Variants in HDAC9 observed in about 807,000 individuals in gnomAD.
HDAC9 encodes histone deacetylase 9.
A neutral mutation model predicts 139.4 loss-of-function variants in HDAC9; 41 were observed. The ratio of observed to expected loss-of-function variants is 0.29; its 90% CI spans 0.23 to 0.38. The LOEUF is 0.38. Ranked by LOEUF, HDAC9 falls within the 10% of genes least tolerant of loss-of-function variation. The probability of loss-of-function intolerance (pLI) is 1.00; values close to 1 mark genes in which losing one functional copy is unlikely to be tolerated. For missense variants in HDAC9, 1,147 were observed against 1,297.0 expected, an observed-to-expected ratio of 0.88 and a Z score of 1.78; for synonymous variants, 517 against 476.2, an observed-to-expected ratio of 1.09 and a Z score of -1.12.
intron 1 of HDAC9, among the ~76,000 whole-genome samples, chr7:18,293,807 C>T (rs1023487644): frequency 6.6e-6 from 1 of 152,062 alleles, no homozygotes; most frequent in African/African-American, 2.4e-5. Flanking sequence ...CTAGTGCCTT[C>T]ATGTTTACAG....
At chr7:18,321,049 C>CCAA (rs1799991110) in intron 1 of HDAC9, among the ~76,000 whole-genome samples, 1 of 152,160 alleles carries the variant, frequency 6.6e-6, no homozygotes, top group Non-Finnish European at 1.5e-5. Flanking sequence ...TACGTATTTT[C>CCAA]ATAGAACTTG....
intron 16 of HDAC9, among the ~76,000 whole-genome samples, chr7:18,767,632 G>A (rs1789939990): frequency 6.6e-6 from 1 of 152,140 alleles, no homozygotes; most frequent in South Asian, 2.1e-4. Flanking sequence ...ACCCCTTGGG[G>A]ACATTTTTGT....
At chr7:18,683,332 A>G (rs761697210) in intron 12 of HDAC9, among the ~76,000 whole-genome samples, 2 of 152,088 alleles carry the variant, frequency 1.3e-5, no homozygotes, top group Non-Finnish European at 2.9e-5. Context: ...TGGTCAAAAT[A>G]TATATAAAGC....
intron 14 of HDAC9, among the ~76,000 whole-genome samples, chr7:18,761,488 A>C (rs1789385256): frequency 6.6e-6 from 1 of 152,214 alleles, no homozygotes; most frequent in South Asian, 2.1e-4. Context: ...TAAATATTGA[A>C]GAGAGGTAAG....
At chr7:18,884,926 G>A (rs554119022) in intron 22 of HDAC9, among the ~76,000 whole-genome samples, 5 of 152,046 alleles carry the variant, frequency 3.3e-5, no homozygotes, top group African/African-American at 4.8e-5. Flanking sequence ...ACACCTCTTC[G>A]GTTCCAGTTA....
intron 2 of HDAC9, among the ~76,000 whole-genome samples, chr7:18,236,041 C>T (rs563533768): frequency 1.8e-4 from 27 of 152,280 alleles, no homozygotes; most frequent in African/African-American, 6.5e-4. Context: ...ACTCCTTCCA[C>T]CCTCACTGGA....
intron 2 of HDAC9, among the ~76,000 whole-genome samples, chr7:18,580,445 A>C (rs1055686333): frequency 9.3e-5 from 14 of 151,012 alleles, no homozygotes; most frequent in African/African-American, 3.2e-4. Flanking sequence ...TTGGAACATA[A>C]TAATATGAAC....
intron 1 of HDAC9, among the ~76,000 whole-genome samples, chr7:18,417,056 G>A (rs1789139765): frequency 6.6e-6 from 1 of 151,988 alleles, no homozygotes; most frequent in African/African-American, 2.4e-5. Flanking sequence ...CTTGCCTTTG[G>A]TGACTCCAGT....
At chr7:18,292,300 A>C (rs533015946) in intron 1 of HDAC9, among the ~76,000 whole-genome samples, 25 of 152,280 alleles carry the variant, frequency 1.6e-4, no homozygotes, top group African/African-American at 6.0e-4. Flanking sequence ...AGGGACAGCC[A>C]GGATTTTGTT....
chr7:18,922,893 C>T (rs554474042), intron 22 of HDAC9, among the ~76,000 whole-genome samples: 2 of 152,110 alleles, frequency 1.3e-5, no homozygotes, highest in African/African-American at 2.4e-5. Context: ...TAAAAATCGA[C>T]AAATGTCTAG....
chr7:18,847,987 A>G (rs953940912), intron 21 of HDAC9, among the ~76,000 whole-genome samples: 1 of 152,208 alleles, frequency 6.6e-6, no homozygotes, highest in South Asian at 2.1e-4. Flanking sequence ...TTATTTAAGT[A>G]AACTTGACAT....
At chr7:18,746,283 T>TTATA (rs1455947325) in intron 13 of HDAC9, among the ~76,000 whole-genome samples, 1 of 152,238 alleles carries the variant, frequency 6.6e-6, no homozygotes, top group Non-Finnish European at 1.5e-5. Context: ...ACAGTTCTTC[T>TTATA]TATATAGTAG....
intron 21 of HDAC9, among the ~76,000 whole-genome samples, chr7:18,869,677 C>T (rs1798769481): frequency 6.6e-6 from 1 of 152,146 alleles, no homozygotes. Flanking sequence ...AGCAGACATC[C>T]ACTGCTTGGC....
intron 21 of HDAC9, among the ~76,000 whole-genome samples, chr7:18,857,361 G>GTGTGTGTGTGTGTGTGTGTGTGTA (rs1562994705): frequency 6.6e-6 from 1 of 151,460 alleles, no homozygotes; most frequent in African/African-American, 2.4e-5. Context: ...GTGTGTGTGT[G>GTGTGTGTGTGTGTGTGTGTGTGTA]TGTATGTATG....
At chr7:18,801,965 A>G (rs918427249) in intron 17 of HDAC9, among the ~76,000 whole-genome samples, 2 of 151,788 alleles carry the variant, frequency 1.3e-5, no homozygotes, top group Non-Finnish European at 2.9e-5. Context: ...TTCTTGATCA[A>G]CTCTGTCAGA....
chr7:18,144,004 A>G (rs1348867159), intron 1 of HDAC9, among the ~76,000 whole-genome samples: 1 of 152,144 alleles, frequency 6.6e-6, no homozygotes, highest in Admixed American at 6.5e-5. Context: ...TTATGCAAAA[A>G]ACATAAAATC....
At chr7:18,528,701 C>G (rs1807770232) in intron 2 of HDAC9, among the ~76,000 whole-genome samples, 1 of 152,034 alleles carries the variant, frequency 6.6e-6, no homozygotes, top group Non-Finnish European at 1.5e-5. Context: ...GTATTAATAA[C>G]AATGAATTTT....
intron 2 of HDAC9, among the ~76,000 whole-genome samples, chr7:18,267,371 G>A (rs929129861): frequency 1.3e-5 from 2 of 151,964 alleles, no homozygotes; most frequent in African/African-American, 2.4e-5. Flanking sequence ...TCACCATGAC[G>A]TACAATAGAT....
chr7:18,956,414 G>C (rs967279996), intron 24 of HDAC9, among the ~76,000 whole-genome samples: 1 of 152,104 alleles, frequency 6.6e-6, no homozygotes, highest in African/African-American at 2.4e-5. Context: ...AGGAGGACAG[G>C]AATCATATCT....
Sources: gnomAD v4.1 joint callset for allele counts (sites outside exome capture counted in the v4.1 genomes callset) on GRCh38, gnomAD v4.1.1 for gene constraint, MANE v1.5 for transcripts, NCBI Gene and HGNC (gene_info 2026-07-23, HGNC 2026-07-21) for gene names.